The following SLC27A2 variants were observed in gnomAD, a reference collection of about 807,000 sequenced individuals.
SLC27A2 encodes the protein long-chain fatty acid transport protein 2.
In SLC27A2, 54 loss-of-function variants were observed where a neutral mutation model predicts 60.0. The observed-to-expected ratio is 0.90, with a 90% confidence interval of 0.72 to 1.13. The LOEUF is 1.13. Among genes scored for constraint, SLC27A2 ranks in the 50% most tolerant of loss-of-function variants. SLC27A2 has a pLI of 0.00. For synonymous variants in SLC27A2, 297 were observed against 297.6 expected, an observed-to-expected ratio of 1.00 and a Z score of 0.02; for missense variants, 739 against 777.6, an observed-to-expected ratio of 0.95 and a Z score of 0.59.
chr15:50,206,670 G>GC (rs1371498390), intron 4 of SLC27A2, among the ~76,000 whole-genome samples: 4 of 151,958 alleles, frequency 2.6e-5, no homozygotes, highest in African/African-American at 9.7e-5. Flanking sequence ...ATTATTGTCT[G>GC]CCCCCCCTCG....
intron 4 of SLC27A2, among the ~76,000 whole-genome samples, chr15:50,206,509 C>T (rs910695296): frequency 6.6e-6 from 1 of 152,206 alleles, no homozygotes; most frequent in African/African-American, 2.4e-5. Context: ...GTCTCTCTCA[C>T]CTCACTTTAC....
intron 8 of SLC27A2, among the ~76,000 whole-genome samples, chr15:50,230,002 G>C (rs895566581): frequency 1.3e-5 from 2 of 149,624 alleles, no homozygotes; most frequent in Non-Finnish European, 3.0e-5. Flanking sequence ...TTGGGAGGCC[G>C]AGACGGGCAG....
At chr15:50,212,144 A>G (rs2045162821) in intron 4 of SLC27A2, among the ~76,000 whole-genome samples, 1 of 151,910 alleles carries the variant, frequency 6.6e-6, no homozygotes, top group Non-Finnish European at 1.5e-5. Flanking sequence ...ACTTTTAGAA[A>G]TGCTAAATGC....
chr15:50,202,445 C>G, intron 2 of SLC27A2, 42 bp from the exon 3 acceptor site: 1 of 1,605,740 alleles, frequency 6.2e-7, no homozygotes, highest in Middle Eastern at 1.7e-4. Flanking sequence ...TGTAAATGCC[C>G]AATCTTGGTT....
At chr15:50,202,096 G>A in intron 2 of SLC27A2, among the ~76,000 whole-genome samples, 1 of 152,276 alleles carries the variant, frequency 6.6e-6, no homozygotes, top group Admixed American at 6.5e-5. Flanking sequence ...CTCTGTTTCT[G>A]TTTCTCTTCA....
At chr15:50,196,068 A>T (rs868527120) in intron 1 of SLC27A2, among the ~76,000 whole-genome samples, 464 of 16,866 alleles carry the variant, frequency 0.028, 8 homozygotes, top group Non-Finnish European at 0.053. Flanking sequence ...AAAAAAAAAA[A>T]AAAAAAAAAA....
intron 1 of SLC27A2, among the ~76,000 whole-genome samples, chr15:50,190,746 G>A (rs2044966530): frequency 6.6e-6 from 1 of 152,114 alleles, no homozygotes; most frequent in Admixed American, 6.5e-5. Flanking sequence ...ACCCAAGTGT[G>A]TGCTCTTTCT....
intron 7 of SLC27A2, 50 bp from the exon 8 acceptor site, chr15:50,228,895 C>T: frequency 7.8e-7 from 1 of 1,288,458 alleles, no homozygotes; most frequent in Non-Finnish European, 1.1e-6. Context: ...ACATTGCAAC[C>T]TGGGCCAGAA....
At position 50,182,611 on chromosome 15, in the gene SLC27A2, A is replaced by C. The variant is rs1282076534; in HGVS notation, c.184A>C (p.Lys62Gln). Residue 62 changes from lysine to glutamine, a missense_variant, in exon 1 of 10, where the codon AAA becomes CAA. Coordinates refer to ENST00000267842, the MANE Select transcript of SLC27A2 (RefSeq NM_003645.4). Reference protein sequence around the residue: ...ARTILRAFLEKARQTPHKPFL... With the variant: ...ARTILRAFLEQARQTPHKPFL... ...CACCATCCTGCGGGCGTTCCTGGAG[A>C]AAGCGCGCCAGACGCCACACAAGCC... 6.2e-7 allele frequency: 1 copy of C among 1,613,642 alleles called. No individual in the cohort carries two copies. Among genetic ancestry groups the C allele is most frequent in the East Asian group, 2.2e-5 (1 of 44,860 alleles).
chr15:50,186,372 G>T (rs952432132), intron 1 of SLC27A2, among the ~76,000 whole-genome samples: 7 of 152,136 alleles, frequency 4.6e-5, no homozygotes, highest in Non-Finnish European at 8.8e-5. Flanking sequence ...TGAAACAAAT[G>T]GTCTGAGGAC....
intron 9 of SLC27A2, among the ~76,000 whole-genome samples, chr15:50,235,566 G>A (rs2045345742): frequency 6.6e-6 from 1 of 152,170 alleles, no homozygotes; most frequent in Non-Finnish European, 1.5e-5. Context: ...GAATGTATGG[G>A]TATCATATAA....
intron 2 of SLC27A2, among the ~76,000 whole-genome samples, chr15:50,201,577 A>T (rs1208886946): frequency 6.6e-6 from 1 of 150,410 alleles, no homozygotes; most frequent in African/African-American, 2.4e-5. Context: ...TTTTTTTGAG[A>T]TGGAGTCTTG....
Position 50,228,949 on chromosome 15 carries a change from A to T in SLC27A2, c.1462A>T (p.Lys488Ter). 2 of 1,612,500 alleles carry T rather than the reference A, an allele frequency of 1.2e-6. No individual in the cohort carries two copies. Among genetic ancestry groups the T allele is most frequent in the Non-Finnish European group, 1.7e-6 (2 of 1,178,542 alleles). ...TAACTTTGTCCTTTCTTCCAGGTGG[A>T]AAGGGGAAAATGTGGCCACCACTGA... is the stretch of plus-strand genomic sequence containing the variant. The part of the protein sequence containing the change: ...HDRVGDTFRW[K>*]GENVATTEVA... The change falls in exon 8 of 10, where the codon AAA becomes TAA. Residue 488 changes from lysine (K) to a stop codon, truncating the protein, a stop_gained. Coordinates refer to ENST00000267842, the MANE Select transcript of SLC27A2 (RefSeq NM_003645.4). LOFTEE classifies it high-confidence loss of function.
intron 7 of SLC27A2, 69 bp downstream of exon 7, chr15:50,227,247 G>A (rs570234651): frequency 2.1e-5 from 25 of 1,192,060 alleles, no homozygotes; most frequent in East Asian, 9.4e-5. Context: ...TAGTGGAATC[G>A]CATTCCACTT....
At chr15:50,203,975 A>C (rs2045087045) in intron 3 of SLC27A2, among the ~76,000 whole-genome samples, 1 of 152,108 alleles carries the variant, frequency 6.6e-6, no homozygotes, top group Non-Finnish European at 1.5e-5. Context: ...AATGTTGTTT[A>C]AGCCACCCAT....
At chr15:50,208,087 C>T (rs1478037108) in intron 4 of SLC27A2, among the ~76,000 whole-genome samples, 1 of 152,138 alleles carries the variant, frequency 6.6e-6, no homozygotes, top group Non-Finnish European at 1.5e-5. Context: ...ACCAGCGACC[C>T]CCAAGCACTG....
At chr15:50,196,073 AAAAAATATATATATATATATAT>A (rs1182096456) in intron 1 of SLC27A2, among the ~76,000 whole-genome samples, 8 of 19,208 alleles carry the variant, frequency 4.2e-4, no homozygotes, top group African/African-American at 1.2e-3. Flanking sequence ...AAAAAAAAAA[AAAAAATATATATATATATATAT>A]ATATATATAT....
At chr15:50,201,213 G>T (rs529096320) in intron 2 of SLC27A2, among the ~76,000 whole-genome samples, 27 of 152,198 alleles carry the variant, frequency 1.8e-4, no homozygotes, top group African/African-American at 6.5e-4. Flanking sequence ...TGAACTCCTG[G>T]GCTCAAGCGA....
chr15:50,186,235 C>G (rs111705530), intron 1 of SLC27A2, among the ~76,000 whole-genome samples: 1 of 152,000 alleles, frequency 6.6e-6, no homozygotes. Context: ...TAGAGTGAGA[C>G]CCTGTCTCAA....
Sources: gnomAD v4.1 joint callset for allele counts (sites outside exome capture counted in the v4.1 genomes callset) on GRCh38, gnomAD v4.1.1 for gene constraint, MANE v1.5 for transcripts, NCBI Gene and HGNC (gene_info 2026-07-23, HGNC 2026-07-21) for gene names.